ENOX1: variants seen among roughly 807,000 people sequenced by gnomAD.
ENOX1 encodes the protein candidate growth-related and time keeping constitutive hydroquinone (NADH) oxidase.
ENOX1 carries 42 observed loss-of-function variants against 82.5 expected under a neutral mutation model. That is an observed-to-expected ratio of 0.51 (90% CI 0.40 to 0.66). The LOEUF (loss-of-function observed/expected upper bound fraction) is 0.66, where lower values mean the gene tolerates loss of function less well. Among genes scored for constraint, ENOX1 ranks in the 30% least tolerant of loss-of-function variants. ENOX1 has a pLI of 0.00. For missense variants in ENOX1, 608 were observed against 811.6 expected (o/e 0.75, Z 3.05); for synonymous variants, 271 against 282.2 (o/e 0.96, Z 0.40).
chr13:43,672,157 A>G (rs1001041887), intron 1 of ENOX1, among the ~76,000 whole-genome samples: 1 of 152,142 alleles, frequency 6.6e-6, no homozygotes, highest in Non-Finnish European at 1.5e-5. Context: ...GACTTGAGCC[A>G]GTTTTAACAA....
intron 1 of ENOX1, among the ~76,000 whole-genome samples, chr13:43,731,631 A>G (rs1470867599): frequency 6.6e-6 from 1 of 152,182 alleles, no homozygotes; most frequent in Non-Finnish European, 1.5e-5. Context: ...TGAAGGTGTA[A>G]CTGCTTTTGG....
intron 15 of ENOX1, among the ~76,000 whole-genome samples, chr13:43,232,998 G>A (rs1403876136): frequency 6.6e-6 from 1 of 152,032 alleles, no homozygotes; most frequent in East Asian, 1.9e-4. Context: ...GCCAAACACA[G>A]CTCCCAAACT....
At chr13:43,444,742 T>C (rs1029700903) in intron 3 of ENOX1, among the ~76,000 whole-genome samples, 2 of 152,252 alleles carry the variant, frequency 1.3e-5, no homozygotes, top group African/African-American at 4.8e-5. Context: ...ATTGTTCACC[T>C]TTCTTTGAGT....
rs1381770831 is a variant in ENOX1, at chr13:43,374,186, C to T, written c.209-12734G>A. On this transcript the variant is annotated intron_variant, in intron 5 of 16. Transcript: ENST00000690772. ...ATTTTTCATTTTCTTTCCTTCCTTC[C>T]TCCCTCCCTCCCTTTCTTTCCTTCC... Among the ~76,000 whole-genome samples, 4 of 150,028 alleles carry T rather than the reference C, an allele frequency of 2.7e-5. No individual in the cohort carries two copies. In the South Asian group the frequency reaches 8.5e-4, roughly 32 times the overall value.
At chr13:43,492,730 C>T (rs145815900) in intron 2 of ENOX1, among the ~76,000 whole-genome samples, 11 of 152,270 alleles carry the variant, frequency 7.2e-5, no homozygotes, top group African/African-American at 2.6e-4. Context: ...TGGTGTTCTC[C>T]ATCCATAAAT....
At chr13:43,503,483 A>G (rs1288742701) in intron 2 of ENOX1, among the ~76,000 whole-genome samples, 2 of 151,788 alleles carry the variant, frequency 1.3e-5, no homozygotes, top group African/African-American at 4.8e-5. Flanking sequence ...ACTTCAAAAT[A>G]TAGTACAAAG....
intron 3 of ENOX1, among the ~76,000 whole-genome samples, chr13:43,476,414 C>T (rs2058287923): frequency 6.6e-6 from 1 of 151,864 alleles, no homozygotes; most frequent in Admixed American, 6.6e-5. Flanking sequence ...GGTTCTGAAA[C>T]AAAGAGACAA....
At chr13:43,271,491 A>T (rs947979363) in intron 12 of ENOX1, among the ~76,000 whole-genome samples, 1 of 152,166 alleles carries the variant, frequency 6.6e-6, no homozygotes, top group African/African-American at 2.4e-5. Flanking sequence ...TCTGTAACAC[A>T]TACTGCTTTA....
chr13:43,225,428 A>C (rs905352164), intron 15 of ENOX1, among the ~76,000 whole-genome samples: 1 of 152,232 alleles, frequency 6.6e-6, no homozygotes, highest in African/African-American at 2.4e-5. Flanking sequence ...ACGTTGAAAA[A>C]GAAACAAAAG....
chr13:43,395,238 C>T (rs946240294), intron 5 of ENOX1, among the ~76,000 whole-genome samples: 6 of 152,204 alleles, frequency 3.9e-5, no homozygotes, highest in African/African-American at 9.7e-5. Context: ...TCTCCAGGGC[C>T]GGGTGCAGTG....
chr13:43,421,280 T>C (rs1466265982), intron 3 of ENOX1, among the ~76,000 whole-genome samples: 1 of 152,212 alleles, frequency 6.6e-6, no homozygotes, highest in African/African-American at 2.4e-5. Flanking sequence ...TCCATTAAGT[T>C]GAAAAAATAG....
At chr13:43,500,527 C>T (rs1224897566) in intron 2 of ENOX1, among the ~76,000 whole-genome samples, 1 of 151,836 alleles carries the variant, frequency 6.6e-6, no homozygotes, top group East Asian at 1.9e-4. Flanking sequence ...TGTTCCAAGA[C>T]AAATGAAAAC....
rs1342366458 is a variant in ENOX1 at position 43,530,160 on chromosome 13, C to A, written c.-218-46008G>T. 2.0e-5 allele frequency among the ~76,000 whole-genome samples: 3 copies of A among 152,084 alleles called. No homozygotes were observed. In the South Asian group the frequency reaches 6.2e-4, roughly 31 times the overall value. On this transcript the variant is annotated intron_variant, in intron 2 of 16. Coordinates refer to ENST00000690772, the MANE Select transcript of ENOX1 (RefSeq NM_001347969.2). ...ATGTTCATAGTATTTCAAACAATAC[C>A]TATCAACTTTCATAAATGGTCTTAT...
chr13:43,312,183 G>A (rs901701940), intron 11 of ENOX1, among the ~76,000 whole-genome samples: 6 of 152,106 alleles, frequency 3.9e-5, no homozygotes, highest in Non-Finnish European at 7.4e-5. Context: ...TTGGGGGAAG[G>A]GAGAAGACAT....
At chr13:43,247,067 A>G (rs2043118939) in intron 14 of ENOX1, among the ~76,000 whole-genome samples, 1 of 152,198 alleles carries the variant, frequency 6.6e-6, no homozygotes, top group Admixed American at 6.5e-5. Flanking sequence ...TGCACCTGTA[A>G]TCCCAGCACT....
intron 1 of ENOX1, among the ~76,000 whole-genome samples, chr13:43,716,693 T>C (rs1401598334): frequency 6.6e-6 from 1 of 151,654 alleles, no homozygotes; most frequent in African/African-American, 2.4e-5. Context: ...TTTCAGGATA[T>C]AAAGTCAATG....
chr13:43,617,396 C>A (rs935566532), intron 2 of ENOX1, among the ~76,000 whole-genome samples: 1 of 152,180 alleles, frequency 6.6e-6, no homozygotes, highest in Non-Finnish European at 1.5e-5. Context: ...AGAGTTTCAT[C>A]AATTTACAGT....
At chr13:43,495,206 T>G (rs932709235) in intron 2 of ENOX1, among the ~76,000 whole-genome samples, 1 of 152,186 alleles carries the variant, frequency 6.6e-6, no homozygotes, top group African/African-American at 2.4e-5. Context: ...GTATAATATA[T>G]GGTAAAATGC....
At chr13:43,621,581 C>T (rs753848008) in intron 2 of ENOX1, among the ~76,000 whole-genome samples, 33 of 152,196 alleles carry the variant, frequency 2.2e-4, no homozygotes, top group Middle Eastern at 3.4e-3. Flanking sequence ...AGATAGGGTC[C>T]CAATCCCGTC....
Sources: allele counts gnomAD v4.1 joint callset (sites outside exome capture counted in the v4.1 genomes callset), GRCh38; gene constraint gnomAD v4.1.1; transcripts MANE v1.5; gene names NCBI Gene and HGNC (gene_info 2026-07-23, HGNC 2026-07-21).